The following TULP1 variants were observed in gnomAD, a reference collection of about 807,000 sequenced individuals.
TULP1 encodes tubby-related protein 1.
TULP1 carries 50 observed loss-of-function variants against 67.1 expected under a neutral mutation model. The ratio of observed to expected loss-of-function variants is 0.75; its 90% CI spans 0.59 to 0.94. The LOEUF (loss-of-function observed/expected upper bound fraction) is 0.94. TULP1 is among the 40% of genes least tolerant of loss of function. TULP1 has a pLI of 0.00. For missense variants in TULP1, 746 were observed against 734.1 expected (o/e 1.02, Z -0.19); for synonymous variants, 297 against 294.0 (o/e 1.01, Z -0.11).
At position 35,512,218 on chromosome 6, in the gene TULP1, G is replaced by A. The variant is rs1323166247; in HGVS notation, c.152C>T (p.Ser51Phe). 7.3e-6 allele frequency: 10 copies of A among 1,368,882 alleles called. No individual in the cohort carries two copies. Among genetic ancestry groups the A allele is most frequent in the East Asian group, 2.7e-5 (1 of 37,002 alleles). The allele number at this position is 1,368,882 out of a possible 1,614,324, so 84.8% of individuals were successfully genotyped here. Residue 51 changes from serine (S) to phenylalanine (F), a missense_variant, in exon 3 of 15, where the codon TCC (serine) becomes TTC (phenylalanine). Around this residue, in one of 3 missense-constraint regions of TULP1, gnomAD observed 359 missense variants for 341.9 expected, o/e 1.05. Coordinates refer to ENST00000229771, the MANE Select transcript of TULP1 (RefSeq NM_003322.6). ...GGGCTTGGATCCCGTGGGGCAGGGG[G>A]ATTCGGGGGCCTCCGTCCTCTTCTT... is the stretch of plus-strand genomic sequence containing the variant. Reference protein sequence around the residue: ...LRKKRTEAPESPCPTGSKPRK... With the variant: ...LRKKRTEAPEFPCPTGSKPRK...
At chr6:35,508,150 A>G (rs1283831281) in intron 8 of TULP1, among the ~76,000 whole-genome samples, 1 of 152,152 alleles carries the variant, frequency 6.6e-6, no homozygotes, top group Admixed American at 6.5e-5. Context: ...ACAGGTTTGC[A>G]GTGTGTTTGA....
At chr6:35,501,715 G>A (rs1045137958) in intron 13 of TULP1, among the ~76,000 whole-genome samples, 1 of 152,212 alleles carries the variant, frequency 6.6e-6, no homozygotes. Context: ...GGGAGGCTGA[G>A]GCAGGAGAAT....
chr6:35,503,557 A>G lies in TULP1; in HGVS notation c.1323+2T>C. 3 of 1,565,314 alleles carry G rather than the reference A, an allele frequency of 1.9e-6. No homozygotes were observed. The highest frequency in any genetic ancestry group is 2.6e-6 in the Non-Finnish European group (3 of 1,154,872). On this transcript the variant is annotated splice_donor_variant, in intron 13 of 14. Transcript: ENST00000229771. LOFTEE classifies it high-confidence loss of function. The surrounding 1 kb of genome is among the most constrained non-coding windows in gnomAD (Gnocchi z 4.0). Reference sequence around the variant, plus strand: ...CAGGGGCCAGGGAGGTGCGGGGCTCACATTTCGGGGCCGGATGGGGACCCT... The same window carrying G: ...CAGGGGCCAGGGAGGTGCGGGGCTCGCATTTCGGGGCCGGATGGGGACCCT...
chr6:35,504,887 C>A (rs1014812480), intron 11 of TULP1, among the ~76,000 whole-genome samples: 3 of 151,614 alleles, frequency 2.0e-5, no homozygotes, highest in African/African-American at 4.8e-5. Context: ...TAGAATCACA[C>A]CTGACACATA....
intron 11 of TULP1, 81 bp downstream of exon 11, chr6:35,505,660 C>G: frequency 1.9e-6 from 3 of 1,580,262 alleles, no homozygotes; most frequent in Non-Finnish European, 2.6e-6. Context: ...GGGTGCTCTA[C>G]CAGGCACAGC....
In TULP1 at chr6:35,500,094, A is replaced by C; in HGVS notation, c.1382T>G (p.Leu461Arg). ...QNKTLESLIE[L>R]HNKPPVWNDD... ...GTTCCAGACAGGTGGCTTGTTGTGCAGTTCTATGAGGCTCTCCAGCGTCTT... is the reference window on the plus strand; with the variant it reads ...GTTCCAGACAGGTGGCTTGTTGTGCCGTTCTATGAGGCTCTCCAGCGTCTT... The change falls in exon 14 of 15, where the codon CTG becomes CGG. Residue 461 changes from leucine (L) to arginine (R), a missense_variant. Leu to Arg is a moderately radical substitution (Grantham distance 102, BLOSUM62 -2). This residue lies in a region of TULP1 where 383 missense variants were observed against 374.1 expected (regional missense o/e 1.02). Coordinates refer to ENST00000229771, the MANE Select transcript of TULP1 (RefSeq NM_003322.6). 1.2e-6 allele frequency: 2 copies of C among 1,614,174 alleles called. No individual in the cohort carries two copies. The highest frequency in any genetic ancestry group is 1.7e-6 in the Non-Finnish European group (2 of 1,180,038).
chr6:35,511,103 G>A, intron 4 of TULP1, 93 bp from the exon 5 acceptor site: 2 of 1,576,710 alleles, frequency 1.3e-6, no homozygotes, highest in South Asian at 1.1e-5. Context: ...AGTGGTGCAT[G>A]GGCACCAGAA....
Position 35,509,724 on chromosome 6 carries a change from A to C in TULP1, c.628T>G (p.Ser210Ala). Reference sequence around the variant, plus strand: ...TTCCTCGCACTGGCTGGGCTCCCTGAGGGGTCCTTGTCGGCCTCCCCAGAC... The same window carrying C: ...TTCCTCGCACTGGCTGGGCTCCCTGCGGGGTCCTTGTCGGCCTCCCCAGAC... ...KGSGEADKDP[S>A]GSPASARKSP... Residue 210 changes from serine to alanine, a missense_variant, in exon 7 of 15, where the codon TCA becomes GCA. By Grantham distance (99) the Ser-to-Ala change is moderately conservative. This residue lies in a region of TULP1 where 359 missense variants were observed against 341.9 expected (regional missense o/e 1.05). Transcript: ENST00000229771. 1 of 1,613,970 alleles carries C rather than the reference A, an allele frequency of 6.2e-7. No individual in the cohort carries two copies. Among genetic ancestry groups the C allele is most frequent in the Non-Finnish European group, 8.5e-7 (1 of 1,180,006 alleles).
intron 13 of TULP1, among the ~76,000 whole-genome samples, chr6:35,501,256 C>G (rs1236491354): frequency 6.6e-6 from 1 of 151,400 alleles, no homozygotes; most frequent in Non-Finnish European, 1.5e-5. Context: ...CATATAATCC[C>G]AACACTTTGA....
chr6:35,511,752 CG>C lies in TULP1; in HGVS notation c.244del (p.Arg82GlyfsTer27). On this transcript the variant is annotated frameshift_variant, in exon 4 of 15. Coordinates refer to ENST00000229771, the MANE Select transcript of TULP1 (RefSeq NM_003322.6). LOFTEE classifies it high-confidence loss of function. ...CCTGGCGTAGACCGTCTGCGGCGCC[CG>C]GGCCTGGGCTGGGTCTGGGGAAGGC... The part of the protein sequence containing the change: ...EEPSPDPAQA[R>X]APQTVYARFL... The C allele has an allele frequency of 1.3e-6, 2 of 1,583,604 alleles. No homozygotes were observed. The highest frequency in any genetic ancestry group is 2.7e-5 in the African/African-American group (2 of 74,338).
chr6:35,503,999 C>A lies in TULP1; in HGVS notation c.1113-151G>T. 1.6e-6 allele frequency: 1 copy of A among 627,856 alleles called. No individual in the cohort carries two copies. Among genetic ancestry groups the A allele is most frequent in the Non-Finnish European group, 2.8e-6 (1 of 355,038 alleles). The allele number at this position is 627,856 out of a possible 1,614,324, so 38.9% of individuals were successfully genotyped here. A position where few individuals can be genotyped will look rare whatever the true frequency, so the allele number is the denominator to read the frequency against. On this transcript the variant is annotated intron_variant, in intron 11 of 14. Coordinates refer to ENST00000229771, the MANE Select transcript of TULP1 (RefSeq NM_003322.6). The surrounding 1 kb of genome is among the most constrained non-coding windows in gnomAD (Gnocchi z 4.0). The stretch of plus-strand genomic sequence containing the variant: ...ATTCATGTCCCCTGCCCCAGGCTTC[C>A]CCCTATGCAGAGGTCTTTTTAAATG...
rs141034619 is a variant in TULP1, at chr6:35,510,979, G to A, written c.381C>T (p.Asp127=). The change falls in exon 5 of 15, where the codon GAC becomes GAT. Residue 127 remains aspartate (D), a synonymous_variant. Coordinates refer to ENST00000229771, the MANE Select transcript of TULP1 (RefSeq NM_003322.6). The stretch of plus-strand genomic sequence containing the variant: ...TCTTTTCCTCTGCCTCCTCTTCCTC[G>A]TCCTCCTCGTCCTCCTCTTCCTCCT... ...EEEEEEEDEE[D]EEEEAEEKKE... is the part of the protein sequence containing the mutation. 3.4e-5 allele frequency: 55 copies of A among 1,600,464 alleles called. No homozygotes were observed. The Middle Eastern group carries it at 5.0e-4, about 15-fold the overall frequency.
intron 11 of TULP1, chr6:35,505,425 C>G (rs1025730514): frequency 4.1e-6 from 2 of 483,776 alleles, no homozygotes; most frequent in Non-Finnish European, 7.6e-6. Context: ...GAATTCAGCC[C>G]TAAACAAGGC....
chr6:35,509,182 C>G lies in TULP1; in HGVS notation c.822+27G>C, dbSNP rs745531788. The G allele has an allele frequency of 6.9e-6, 11 of 1,602,820 alleles. No individual in the cohort carries two copies. The Admixed American group carries it at 1.8e-4, about 27-fold the overall frequency. Reference sequence around the variant, plus strand: ...CTGCCTCTGCTCCCTGAAGGGACCTCAGCCCCCTGCCCCTCTGGGCCCCAA... The same window carrying G: ...CTGCCTCTGCTCCCTGAAGGGACCTGAGCCCCCTGCCCCTCTGGGCCCCAA... On this transcript the variant is annotated intron_variant, in intron 8 of 14. Coordinates refer to ENST00000229771, the MANE Select transcript of TULP1 (RefSeq NM_003322.6).
intron 11 of TULP1, chr6:35,504,232 A>T (rs1761037033): frequency 3.8e-6 from 1 of 260,476 alleles, no homozygotes; most frequent in African/African-American, 2.2e-5. Flanking sequence ...CCAGCTACTC[A>T]GGAGGCTAAG....
rs1581739074 is a variant in TULP1, at chr6:35,504,160, A to C, written c.1113-312T>G. The C allele has an allele frequency of 1.6e-5, 5 of 313,828 alleles. 1 individual carries two copies. Among genetic ancestry groups the C allele is most frequent in the Non-Finnish European group, 3.1e-5 (5 of 162,356 alleles). 19.4% of individuals were successfully genotyped at this position (313,828 alleles called of 1,614,324 possible). On this transcript the variant is annotated intron_variant, in intron 11 of 14. Transcript: ENST00000229771. ...GCAGACAACGCTGTCTCTACAAAAAACACCCGCCCTCTGCCCCCCACCTGC... is the reference window on the plus strand; with the variant it reads ...GCAGACAACGCTGTCTCTACAAAAACCACCCGCCCTCTGCCCCCCACCTGC...
intron 2 of TULP1, 148 bp downstream of exon 2, chr6:35,512,491 A>G (rs1332871677): frequency 4.6e-6 from 5 of 1,092,990 alleles, no homozygotes; most frequent in Non-Finnish European, 5.4e-6. Context: ...CAAGTCCCCA[A>G]ACAGCCCTTT....
intron 2 of TULP1, 96 bp from the exon 3 acceptor site, chr6:35,512,366 G>T: frequency 2.8e-6 from 2 of 726,896 alleles, no homozygotes; most frequent in Non-Finnish European, 4.4e-6. Flanking sequence ...AGAAATAACC[G>T]CAGATTATCC....
chr6:35,507,769 A>T (rs1347600507), intron 8 of TULP1, among the ~76,000 whole-genome samples: 1 of 152,216 alleles, frequency 6.6e-6, no homozygotes, highest in African/African-American at 2.4e-5. Context: ...TTTGGGAGCC[A>T]CGAAGAATCC....
Sources: gnomAD v4.1 joint callset for allele counts (sites outside exome capture counted in the v4.1 genomes callset) on GRCh38, gnomAD v4.1.1 for gene constraint, gnomAD v4.1.1 regional missense constraint, Gnocchi (gnomAD v3.1) non-coding constraint, MANE v1.5 for transcripts, NCBI Gene and HGNC (gene_info 2026-07-23, HGNC 2026-07-21) for gene names.